TUBB6: variants seen among roughly 807,000 people sequenced by gnomAD.
TUBB6 encodes the protein tubulin beta 6 class V, also known as tubulin beta-6 chain.
TUBB6 carries 18 observed loss-of-function variants against 32.3 expected under a neutral mutation model. The observed-to-expected ratio is 0.56, with a 90% CI of 0.39 to 0.83. TUBB6 has a LOEUF of 0.83. Ranked by LOEUF, TUBB6 falls within the 40% of genes least tolerant of loss-of-function variation. The probability of loss-of-function intolerance (pLI) is 0.00; values close to 1 mark genes in which losing one functional copy is unlikely to be tolerated. For missense variants in TUBB6, 480 were observed against 632.0 expected (o/e 0.76, Z 2.58); for synonymous variants, 280 against 265.8 (o/e 1.05, Z -0.52).
downstream of TUBB6, chr18:12,329,645 G>T (rs117182113): frequency 8.9e-5 from 144 of 1,614,156 alleles, no homozygotes; most frequent in Admixed American, 5.0e-4. Flanking sequence ...CCTTCTGGAA[G>T]TGAGGTGTCC....
chr18:12,319,548 T>C (rs1906868300), intron 3 of TUBB6, among the ~76,000 whole-genome samples: 1 of 152,214 alleles, frequency 6.6e-6, no homozygotes, highest in South Asian at 2.1e-4. Context: ...TTGCAGCCTT[T>C]TGAAAAATTC....
At chr18:12,317,963 T>C (rs1321928456) in intron 3 of TUBB6, among the ~76,000 whole-genome samples, 1 of 152,208 alleles carries the variant, frequency 6.6e-6, no homozygotes, top group Non-Finnish European at 1.5e-5. Flanking sequence ...GCTATAAATA[T>C]TGAGGAAGCT....
At chr18:12,309,645 T>C (rs1906249324) in intron 2 of TUBB6, among the ~76,000 whole-genome samples, 1 of 152,114 alleles carries the variant, frequency 6.6e-6, no homozygotes. Flanking sequence ...ACACTAAGGA[T>C]AGTTCCAGTA....
intron 3 of TUBB6, among the ~76,000 whole-genome samples, chr18:12,316,521 A>G (rs892117304): frequency 1.3e-5 from 2 of 152,240 alleles, no homozygotes; most frequent in African/African-American, 4.8e-5. Context: ...TAAGTTTTCA[A>G]CAGGTTGTAC....
rs1012936774 is a variant in TUBB6 at position 12,314,170 on chromosome 18, CTG to C, written c.277+3120_277+3121del. Among the ~76,000 whole-genome samples the C allele has an allele frequency of 7.2e-5, 11 of 152,230 alleles. No individual in the cohort carries two copies. In the East Asian group the frequency reaches 1.7e-3, roughly 24 times the overall value. On this transcript the variant is annotated intron_variant, in intron 3 of 3. Transcript: ENST00000317702. ...GGAAACTGAGCAGCTGACCCTAGCT[CTG>C]TGCCCGCTGGCAGCATCAGTTCCCT...
downstream of TUBB6, chr18:12,329,706 C>T (rs766377417): frequency 1.6e-5 from 26 of 1,614,018 alleles, no homozygotes; most frequent in South Asian, 3.3e-5. Context: ...TAGATTTTTC[C>T]GCAAATGGTC....
chr18:12,316,910 G>C (rs1291084290), intron 3 of TUBB6, among the ~76,000 whole-genome samples: 1 of 152,176 alleles, frequency 6.6e-6, no homozygotes, highest in Non-Finnish European at 1.5e-5. Flanking sequence ...TGTAATTCCA[G>C]CACTTTGGGA....
chr18:12,326,841 G>A (rs1907354880), downstream of TUBB6, among the ~76,000 whole-genome samples: 1 of 152,142 alleles, frequency 6.6e-6, no homozygotes, highest in Non-Finnish European at 1.5e-5. Context: ...GTCAGGTCCT[G>A]GGCTAGGGTT....
chr18:12,329,799 T>C (rs755881973), downstream of TUBB6: 13 of 1,593,990 alleles, frequency 8.2e-6, no homozygotes, highest in Non-Finnish European at 1.1e-5. Context: ...ATATGAACAA[T>C]TTTCATTAAA....
chr18:12,329,692 T>C (rs760520565), downstream of TUBB6: 2 of 1,614,192 alleles, frequency 1.2e-6, no homozygotes, highest in South Asian at 1.1e-5. Flanking sequence ...AAATTCTTCA[T>C]AGGTAGATTT....
chr18:12,308,217 C>T (rs1478903109), upstream of TUBB6: 1 of 1,154,464 alleles, frequency 8.7e-7, no homozygotes, highest in East Asian at 4.3e-5. Context: ...AGGGTCGGCC[C>T]CGGGACGCGC....
chr18:12,308,249 C>G lies in TUBB6; in HGVS notation c.-44C>G. On this transcript the variant is annotated 5_prime_UTR_variant, in exon 1 of 4. Transcript: ENST00000317702. Reference sequence around the variant, plus strand: ...GCGCGCAGCCGGCCCGCAGTTGCCGCTGTCGTCCGCAGAGCCAGTTCCTAG... The same window carrying G: ...GCGCGCAGCCGGCCCGCAGTTGCCGGTGTCGTCCGCAGAGCCAGTTCCTAG... 1 of 1,369,764 alleles carries G rather than the reference C, an allele frequency of 7.3e-7. No individual in the cohort carries two copies. The highest frequency in any genetic ancestry group is 9.5e-7 in the Non-Finnish European group (1 of 1,052,144). 84.9% of individuals were successfully genotyped at this position (1,369,764 alleles called of 1,614,324 possible). A position where few individuals can be genotyped will look rare whatever the true frequency, so the allele number is the denominator to read the frequency against.
intron 3 of TUBB6, among the ~76,000 whole-genome samples, chr18:12,320,238 TAATAAA>T (rs1906914888): frequency 2.1e-5 from 3 of 146,000 alleles, no homozygotes; most frequent in East Asian, 2.0e-4. Context: ...AAAATAATAA[TAATAAA>T]AAATTCCTTT....
At position 12,318,184 on chromosome 18, in the gene TUBB6, C is replaced by T. The variant is rs564843683; in HGVS notation, c.278-6883C>T. On this transcript the variant is annotated intron_variant, in intron 3 of 3. Coordinates refer to ENST00000317702, the MANE Select transcript of TUBB6 (RefSeq NM_032525.3). ...TTGTAAAATGTGACAGTTCTAGCAC[C>T]GAGTGTGGACCAGCCCCGAGCTTGT... Among the ~76,000 whole-genome samples the T allele has an allele frequency of 9.9e-5, 15 of 151,852 alleles. No homozygotes were observed. In the South Asian group the frequency reaches 2.7e-3, roughly 28 times the overall value.
At chr18:12,308,573 G>C (rs954174519) in intron 1 of TUBB6, 114 bp from the exon 2 acceptor site, 5 of 838,392 alleles carry the variant, frequency 6.0e-6, no homozygotes, top group Non-Finnish European at 9.3e-6. Flanking sequence ...AGCGGCTGCC[G>C]GCGGCTCAGG....
At chr18:12,310,843 T>G in intron 2 of TUBB6, 100 bp from the exon 3 acceptor site, 1 of 733,090 alleles carries the variant, frequency 1.4e-6, no homozygotes, top group Non-Finnish European at 2.2e-6. Context: ...CCCTGGTTGA[T>G]CCATTCCAGG....
rs141052475 is a variant in TUBB6 at position 12,312,174 on chromosome 18, C to T, written c.277+1121C>T. On this transcript the variant is annotated intron_variant, in intron 3 of 3. Coordinates refer to ENST00000317702, the MANE Select transcript of TUBB6 (RefSeq NM_032525.3). Reference sequence around the variant, plus strand: ...ATTCCAGAGAGAAAATGATGGAAAACTTCCCAACATTTCCTATGAGGCTAG... The same window carrying T: ...ATTCCAGAGAGAAAATGATGGAAAATTTCCCAACATTTCCTATGAGGCTAG... 1.4e-4 allele frequency among the ~76,000 whole-genome samples: 21 copies of T among 152,298 alleles called. No homozygotes were observed. In the East Asian group the frequency reaches 3.9e-3, roughly 28 times the overall value.
intron 3 of TUBB6, among the ~76,000 whole-genome samples, chr18:12,317,411 T>C (rs1205257699): frequency 2.0e-5 from 3 of 152,050 alleles, no homozygotes; most frequent in African/African-American, 7.2e-5. Flanking sequence ...GAGGCTGCAG[T>C]GAGCGGTGTT....
chr18:12,313,888 GCTC>G (rs1906525463), intron 3 of TUBB6, among the ~76,000 whole-genome samples: 1 of 152,218 alleles, frequency 6.6e-6, no homozygotes, highest in Non-Finnish European at 1.5e-5. Context: ...GTGTCTGAGA[GCTC>G]CTCTTGCCCA....
Sources: gnomAD v4.1 joint callset for allele counts (sites outside exome capture counted in the v4.1 genomes callset) on GRCh38, gnomAD v4.1.1 for gene constraint, MANE v1.5 for transcripts, NCBI Gene and HGNC (gene_info 2026-07-23, HGNC 2026-07-21) for gene names.